Variants in SMAD1 observed in about 807,000 individuals in gnomAD.
SMAD1 encodes SMAD family member 1.
A neutral mutation model predicts 41.6 loss-of-function variants in SMAD1; 6 were observed. The observed-to-expected ratio is 0.14, with a 90% CI of 0.08 to 0.28. The LOEUF (loss-of-function observed/expected upper bound fraction) is 0.28. Ranked by LOEUF, SMAD1 falls within the 10% of genes least tolerant of loss-of-function variation. The pLI, the probability that SMAD1 is intolerant of heterozygous loss-of-function variation, is 1.00. For synonymous variants in SMAD1, 206 were observed against 203.2 expected (o/e 1.01, Z -0.12); for missense variants, 379 against 582.6 (o/e 0.65, Z 3.60).
intron 2 of SMAD1, among the ~76,000 whole-genome samples, chr4:145,531,840 G>A (rs1411289364): frequency 1.4e-5 from 2 of 143,974 alleles, no homozygotes; most frequent in African/African-American, 5.1e-5. Context: ...TTTTTTTTCT[G>A]TTACTTCTAT....
chr4:145,519,778 A>G (rs1730638626), intron 2 of SMAD1, among the ~76,000 whole-genome samples: 1 of 152,156 alleles, frequency 6.6e-6, no homozygotes, highest in Admixed American at 6.5e-5. Flanking sequence ...GTACCCTTTG[A>G]CCAGCATTTC....
chr4:145,496,367 TC>T (rs1560725857), intron 1 of SMAD1, among the ~76,000 whole-genome samples: 2 of 152,184 alleles, frequency 1.3e-5, no homozygotes, highest in African/African-American at 2.4e-5. Flanking sequence ...ATAAAATAGT[TC>T]TTGTTCTATA....
intron 6 of SMAD1, among the ~76,000 whole-genome samples, chr4:145,556,327 G>A (rs987453874): frequency 6.6e-6 from 1 of 151,960 alleles, no homozygotes; most frequent in African/African-American, 2.4e-5. Flanking sequence ...ACATAAGCCT[G>A]TAAATTAATT....
chr4:145,545,084 T>C (rs1732171737), intron 4 of SMAD1: 1 of 152,100 alleles, frequency 6.6e-6, no homozygotes, highest in African/African-American at 2.4e-5. Context: ...TAACCTTTGG[T>C]GATTTTCCTA....
At chr4:145,534,188 A>C (rs1036741169) in intron 2 of SMAD1, among the ~76,000 whole-genome samples, 4 of 152,222 alleles carry the variant, frequency 2.6e-5, no homozygotes, top group African/African-American at 9.6e-5. Context: ...CCTTCACAGC[A>C]ACAGTGAGAA....
chr4:145,519,237 A>G (rs1730592167), intron 2 of SMAD1, among the ~76,000 whole-genome samples: 1 of 70,832 alleles, frequency 1.4e-5, no homozygotes, highest in Non-Finnish European at 5.2e-5. Context: ...CTAGGATTAC[A>G]GACGTGCATC....
chr4:145,533,160 A>G (rs1236615595), intron 2 of SMAD1, among the ~76,000 whole-genome samples: 1 of 152,070 alleles, frequency 6.6e-6, no homozygotes, highest in Non-Finnish European at 1.5e-5. Context: ...ACTAACTTCT[A>G]TGTGTCTCCT....
chr4:145,522,375 G>GT (rs1208936110), intron 2 of SMAD1, among the ~76,000 whole-genome samples: 3 of 152,200 alleles, frequency 2.0e-5, no homozygotes, highest in African/African-American at 7.2e-5. Flanking sequence ...GCCAAGGCGG[G>GT]TGGATCACCT....
intron 3 of SMAD1, among the ~76,000 whole-genome samples, chr4:145,540,482 T>C (rs1478590038): frequency 6.6e-6 from 1 of 152,188 alleles, no homozygotes; most frequent in Non-Finnish European, 1.5e-5. Context: ...AGAAAAAATA[T>C]TTCCTGAGGG....
intron 2 of SMAD1, among the ~76,000 whole-genome samples, chr4:145,534,749 TAAAAC>T (rs1235465900): frequency 2.0e-5 from 3 of 152,208 alleles, no homozygotes; most frequent in Admixed American, 6.5e-5. Flanking sequence ...ATACCACAAA[TAAAAC>T]TAAACTCCAA....
chr4:145,489,294 G>A (rs960752101), intron 1 of SMAD1, among the ~76,000 whole-genome samples: 2 of 152,016 alleles, frequency 1.3e-5, no homozygotes, highest in Non-Finnish European at 2.9e-5. Context: ...AGAATTTTAG[G>A]GCCTTAGAGT....
intron 2 of SMAD1, among the ~76,000 whole-genome samples, chr4:145,535,081 G>C (rs1012640676): frequency 1.3e-5 from 2 of 151,922 alleles, no homozygotes; most frequent in Non-Finnish European, 2.9e-5. Flanking sequence ...AGATAGAAAA[G>C]CGCTGTCTGA....
intron 1 of SMAD1, among the ~76,000 whole-genome samples, chr4:145,490,085 T>G (rs1250324787): frequency 6.6e-6 from 1 of 152,152 alleles, no homozygotes; most frequent in African/African-American, 2.4e-5. Context: ...CTGAATACAT[T>G]AAGAAGTGAG....
intron 1 of SMAD1, among the ~76,000 whole-genome samples, chr4:145,504,824 A>G (rs2062942707): frequency 6.6e-6 from 1 of 152,186 alleles, no homozygotes; most frequent in African/African-American, 2.4e-5. Context: ...TGAATTTTTC[A>G]TATTTTACCA....
chr4:145,522,428 C>G (rs1730792817), intron 2 of SMAD1, among the ~76,000 whole-genome samples: 1 of 152,016 alleles, frequency 6.6e-6, no homozygotes, highest in Non-Finnish European at 1.5e-5. Context: ...ATGGAGAAAC[C>G]CCATCTCTAC....
rs564042327 is a variant in SMAD1 at position 145,502,361 on chromosome 4, A to T, written c.-176-12077A>T. On this transcript the variant is annotated intron_variant, in intron 1 of 6. Transcript: ENST00000302085. ...CAATGGGATTAAGGAATGTTGTACA[A>T]CTTTTAGAGGAAATGGCAAGAAGAT... 1.2e-4 allele frequency among the ~76,000 whole-genome samples: 18 copies of T among 152,330 alleles called. No individual in the cohort carries two copies. In the South Asian group the frequency reaches 2.5e-3, roughly 21 times the overall value.
chr4:145,550,333 T>G (rs1422225779), intron 5 of SMAD1, among the ~76,000 whole-genome samples: 1 of 151,982 alleles, frequency 6.6e-6, no homozygotes, highest in East Asian at 1.9e-4. Context: ...GGCAACATGG[T>G]GGAACCCGGG....
intron 1 of SMAD1, among the ~76,000 whole-genome samples, chr4:145,504,586 GT>G (rs1446192523): frequency 6.6e-6 from 1 of 152,066 alleles, no homozygotes; most frequent in African/African-American, 2.4e-5. Flanking sequence ...TAGGGGTACT[GT>G]TTTTTAGGGG....
chr4:145,555,083 T>G (rs778518042), intron 6 of SMAD1, among the ~76,000 whole-genome samples: 1 of 152,050 alleles, frequency 6.6e-6, no homozygotes, highest in African/African-American at 2.4e-5. Context: ...TTTTGTGTGT[T>G]TGTTTGTTTG....
Sources: gnomAD v4.1 joint callset for allele counts (sites outside exome capture counted in the v4.1 genomes callset) on GRCh38, gnomAD v4.1.1 for gene constraint, MANE v1.5 for transcripts, NCBI Gene and HGNC (gene_info 2026-07-23, HGNC 2026-07-21) for gene names.